Variants in HMGCL observed in about 807,000 individuals in gnomAD.
HMGCL encodes 3-hydroxy-3-methylglutaryl-CoA lyase.
HMGCL carries 26 observed loss-of-function variants against 37.3 expected under a neutral mutation model. The observed-to-expected ratio is 0.70, with a 90% confidence interval of 0.51 to 0.97. The LOEUF (loss-of-function observed/expected upper bound fraction) is 0.97, where lower values mean the gene tolerates loss of function less well. Among genes scored for constraint, HMGCL ranks in the 50% least tolerant of loss-of-function variants. HMGCL has a pLI of 0.00. For synonymous variants in HMGCL, 151 were observed against 148.0 expected, an observed-to-expected ratio of 1.02 and a Z score of -0.15; for missense variants, 379 against 398.1, an observed-to-expected ratio of 0.95 and a Z score of 0.41.
In HMGCL at chr1:23,820,579, A is replaced by G; in HGVS notation, c.75T>C (p.Ser25=). The G allele has an allele frequency of 6.2e-7, 1 of 1,613,912 alleles. No homozygotes were observed. The highest frequency in any genetic ancestry group is 8.5e-7 in the Non-Finnish European group (1 of 1,179,754). ...TCACCCGCTTTGGTAAAGTGCCCATAGATGAGGTGCTGACCTTTGGTTTAA... is the reference window on the plus strand; with the variant it reads ...TCACCCGCTTTGGTAAAGTGCCCATGGATGAGGTGCTGACCTTTGGTTTAA... ...LASLRAVSTS[S]MGTLPKRVKI... Residue 25 remains serine, a synonymous_variant, in exon 2 of 9, where the codon TCT becomes TCC. Coordinates refer to ENST00000374490, the MANE Select transcript of HMGCL (RefSeq NM_000191.3).
At position 23,802,359 on chromosome 1, in the gene HMGCL, C is replaced by T. The variant is rs552915017; in HGVS notation, c.*104G>A. On this transcript the variant is annotated 3_prime_UTR_variant, in exon 9 of 9. Transcript: ENST00000374490. ...TCTGTGTAGAGCTGGCTATGAGGTA[C>T]CTGCACCATTTAACCTATTCTCATT... 2.0e-3 allele frequency: 1,628 copies of T among 821,374 alleles called. 5 individuals carry two copies. The highest frequency in any genetic ancestry group is 3.3e-3 in the Middle Eastern group (12 of 3,610). The allele number at this position is 821,374 out of a possible 1,614,324, so 50.9% of individuals were successfully genotyped here.
Position 23,806,645 on chromosome 1 carries a change from CCA to C in HMGCL, c.750+1488_750+1489del. ...TGCCTTAACCTGCTTCATTTTTTCT[CCA>C]CAGTGTTTATGAACACCTGGCCTGC... On this transcript the variant is annotated intron_variant, in intron 7 of 8. Coordinates refer to ENST00000374490, the MANE Select transcript of HMGCL (RefSeq NM_000191.3). The surrounding 1 kb of genome is among the most constrained non-coding windows in gnomAD (Gnocchi z 4.0). 1 of 287,322 alleles carries C rather than the reference CCA, an allele frequency of 3.5e-6. No homozygotes were observed. The highest frequency in any genetic ancestry group is 6.9e-6 in the Non-Finnish European group (1 of 145,814). 17.8% of individuals were successfully genotyped at this position (287,322 alleles called of 1,614,324 possible). A position where few individuals can be genotyped will look rare whatever the true frequency, so the allele number is the denominator to read the frequency against.
chr1:23,816,531 G>A (rs1638616069), intron 4 of HMGCL, 144 bp downstream of exon 4: 3 of 757,864 alleles, frequency 4.0e-6, no homozygotes, highest in Non-Finnish European at 4.8e-6. Context: ...TGAGTGGCAG[G>A]GCCAGGTTTG....
rs1052729719 is a variant in HMGCL, at chr1:23,802,316, T to C, written c.*147A>G. 1.3e-5 allele frequency: 9 copies of C among 700,090 alleles called. No individual in the cohort carries two copies. The highest frequency in any genetic ancestry group is 2.1e-5 in the Non-Finnish European group (8 of 385,734). The allele number at this position is 700,090 out of a possible 1,614,324, so 43.4% of individuals were successfully genotyped here. A position where few individuals can be genotyped will look rare whatever the true frequency, so the allele number is the denominator to read the frequency against. ...GCAGCTCCTCCTGCCCTTCGCCTGC[T>C]TTCTGCCAGGAGAGACCTCTGTGTA... On this transcript the variant is annotated 3_prime_UTR_variant, in exon 9 of 9. Transcript: ENST00000374490.
Position 23,807,894 on chromosome 1 carries a change from G to A in HMGCL, c.750+241C>T, listed in dbSNP as rs139615030. Among the ~76,000 whole-genome samples, 497 of 152,254 alleles carry A rather than the reference G, an allele frequency of 3.3e-3. 9 individuals carry two copies. Among genetic ancestry groups the A allele is most frequent in the Non-Finnish European group, 1.9e-3 (128 of 68,004 alleles). ...CCCCTCTAGGCTTCCTGAGCCCCAT[G>A]CTTCCTCCCTTCATGGCATCTGTCA... is the stretch of plus-strand genomic sequence containing the variant. On this transcript the variant is annotated intron_variant, in intron 7 of 8. Coordinates refer to ENST00000374490, the MANE Select transcript of HMGCL (RefSeq NM_000191.3).
chr1:23,806,752 A>C lies in HMGCL; in HGVS notation c.750+1383T>G. 1 of 356,726 alleles carries C rather than the reference A, an allele frequency of 2.8e-6. No homozygotes were observed. The highest frequency in any genetic ancestry group is 5.5e-6 in the Non-Finnish European group (1 of 181,314). 22.1% of individuals were successfully genotyped at this position (356,726 alleles called of 1,614,324 possible). A position where few individuals can be genotyped will look rare whatever the true frequency, so the allele number is the denominator to read the frequency against. ...AGGGCAGAGACTCTGTTTTGGTCAC[A>C]GCTGAATCCTTAATGCTGAGAACAG... On this transcript the variant is annotated intron_variant, in intron 7 of 8. Coordinates refer to ENST00000374490, the MANE Select transcript of HMGCL (RefSeq NM_000191.3). This position sits in a 1 kb window ranked among gnomAD's most constrained non-coding sequence, Gnocchi z 4.0.
intron 7 of HMGCL, among the ~76,000 whole-genome samples, chr1:23,807,919 A>G (rs1252774174): frequency 6.6e-6 from 1 of 152,116 alleles, no homozygotes; most frequent in African/African-American, 2.4e-5. Context: ...GGCATCTGTC[A>G]TAATGCAGTG....
At chr1:23,808,370 G>T in intron 6 of HMGCL, 47 bp from the exon 7 acceptor site, 3 of 1,514,398 alleles carry the variant, frequency 2.0e-6, no homozygotes, top group Non-Finnish European at 2.8e-6. Context: ...CCACCAGCCA[G>T]GGGATCCATG....
chr1:23,810,156 G>A (rs925335985), intron 6 of HMGCL: 21 of 164,456 alleles, frequency 1.3e-4, no homozygotes, highest in African/African-American at 4.3e-4. Context: ...ATGCCACAAA[G>A]TATCCTGGGA....
In HMGCL at chr1:23,802,575, C is replaced by G. The variant is rs1570640519; in HGVS notation, c.877-11G>C. The G allele has an allele frequency of 1.3e-6, 2 of 1,579,140 alleles. No homozygotes were observed. Among genetic ancestry groups the G allele is most frequent in the East Asian group, 2.2e-5 (1 of 44,712 alleles). ...CTGGAGATTCACACCCTTTGAGAAA[C>G]AAGTTAGAGGATGCGGTAAGTCATG... On this transcript the variant is annotated splice_polypyrimidine_tract_variant and intron_variant, in intron 8 of 8. Transcript: ENST00000374490.
intron 5 of HMGCL, 146 bp downstream of exon 5, chr1:23,814,044 C>T: frequency 1.1e-6 from 1 of 881,340 alleles, no homozygotes; most frequent in Non-Finnish European, 1.9e-6. Context: ...TCTGACCACA[C>T]TTATTTGGGA....
At chr1:23,808,080 C>A in intron 7 of HMGCL, 55 bp downstream of exon 7, 2 of 1,486,760 alleles carry the variant, frequency 1.3e-6, no homozygotes, top group African/African-American at 1.4e-5. Flanking sequence ...TAAATGATAA[C>A]AAGCTGTCCT....
intron 1 of HMGCL, among the ~76,000 whole-genome samples, chr1:23,822,672 G>A (rs761024468): frequency 1.4e-4 from 22 of 152,124 alleles, no homozygotes; most frequent in African/African-American, 2.7e-4. Flanking sequence ...ATTTCATGAC[G>A]TCAACAGGCT....
In HMGCL at chr1:23,809,679, G is replaced by C. The variant is rs1187566482; in HGVS notation, c.561+1057C>G. The C allele has an allele frequency of 2.0e-5, 3 of 152,154 alleles. No homozygotes were observed. The East Asian group carries it at 5.8e-4, about 29-fold the overall frequency. The allele number at this position is 152,154 out of a possible 1,614,324, so 9.4% of individuals were successfully genotyped here. On this transcript the variant is annotated intron_variant, in intron 6 of 8. Coordinates refer to ENST00000374490, the MANE Select transcript of HMGCL (RefSeq NM_000191.3). ...AATTGGAATAAGCCATACTGGAATA[G>C]GGTGGGCCCCTAATCCCATACGACT...
chr1:23,823,807 TGAG>T (rs1638765890), intron 1 of HMGCL, among the ~76,000 whole-genome samples: 1 of 151,086 alleles, frequency 6.6e-6, no homozygotes, highest in South Asian at 2.1e-4. Context: ...TGCAGTGAGC[TGAG>T]ATTGAGCCAC....
At chr1:23,819,002 G>A (rs1219039585) in intron 2 of HMGCL, among the ~76,000 whole-genome samples, 1 of 76,904 alleles carries the variant, frequency 1.3e-5, no homozygotes, top group Non-Finnish European at 2.2e-5. Context: ...TAGGATGGAC[G>A]TGCTAAAAAA....
intron 5 of HMGCL, among the ~76,000 whole-genome samples, chr1:23,811,776 T>G (rs1239683467): frequency 6.6e-6 from 1 of 152,136 alleles, no homozygotes; most frequent in Non-Finnish European, 1.5e-5. Flanking sequence ...GAGGGTGGAT[T>G]TGGGATGTAG....
intron 8 of HMGCL, 88 bp from the exon 9 acceptor site, chr1:23,802,652 C>T: frequency 2.3e-6 from 2 of 881,114 alleles, no homozygotes; most frequent in East Asian, 2.4e-5. Context: ...AACTGTGATA[C>T]TGAAAAGTAA....
intron 2 of HMGCL, among the ~76,000 whole-genome samples, 171 bp from the exon 3 acceptor site, chr1:23,817,754 T>C (rs777837362): frequency 3.0e-4 from 46 of 152,216 alleles, no homozygotes; most frequent in Non-Finnish European, 5.4e-4. Context: ...GGCTTTCCCG[T>C]AAGTAAATGT....
Sources: allele counts gnomAD v4.1 joint callset (sites outside exome capture counted in the v4.1 genomes callset), GRCh38; gene constraint gnomAD v4.1.1; non-coding constraint Gnocchi (gnomAD v3.1); transcripts MANE v1.5; gene names NCBI Gene and HGNC (gene_info 2026-07-23, HGNC 2026-07-21).